SIMC1: variants seen among roughly 807,000 people sequenced by gnomAD.
The protein encoded by SIMC1 is SUMO interacting motifs containing 1, also known as SUMO-interacting motif-containing protein 1.
Under a neutral mutation model 82.3 loss-of-function variants are expected in SIMC1, and 55 were observed. The ratio of observed to expected loss-of-function variants is 0.67; its 90% CI spans 0.54 to 0.84. SIMC1 has a LOEUF of 0.84. Ranked by LOEUF, SIMC1 falls within the 40% of genes least tolerant of loss-of-function variation. SIMC1 has a pLI of 0.00. For synonymous variants in SIMC1, 353 were observed against 426.3 expected, an observed-to-expected ratio of 0.83 and a Z score of 2.12; for missense variants, 915 against 1,107.2, an observed-to-expected ratio of 0.83 and a Z score of 2.46.
chr5:176,262,741 G>A (rs1213595198), intron 1 of SIMC1, among the ~76,000 whole-genome samples: 5 of 152,306 alleles, frequency 3.3e-5, no homozygotes, highest in South Asian at 2.1e-4. Context: ...GGAAGCAGAG[G>A]TTGCAATGAG....
intron 4 of SIMC1, among the ~76,000 whole-genome samples, chr5:176,309,444 A>G (rs1431354069): frequency 1.3e-5 from 2 of 152,230 alleles, no homozygotes; most frequent in East Asian, 3.8e-4. Context: ...CAGGAGAAAA[A>G]TCTTCAGGAT....
At chr5:176,278,142 T>C (rs1349853774) in intron 1 of SIMC1, among the ~76,000 whole-genome samples, 1 of 60,308 alleles carries the variant, frequency 1.7e-5, no homozygotes, top group Non-Finnish European at 3.6e-5. Flanking sequence ...TGGTTTGTAG[T>C]TCTCCTTGAA....
At chr5:176,345,128 AAAAAG>A in intron 9 of SIMC1, 50 bp from the exon 10 acceptor site, 1 of 1,556,124 alleles carries the variant, frequency 6.4e-7, no homozygotes, top group Non-Finnish European at 8.7e-7. Flanking sequence ...TAGACTTCTT[AAAAAG>A]AATTAAAAAG....
intron 4 of SIMC1, among the ~76,000 whole-genome samples, chr5:176,296,873 G>T (rs1763837565): frequency 6.6e-6 from 1 of 152,064 alleles, no homozygotes; most frequent in African/African-American, 2.4e-5. Flanking sequence ...TAAATTCATG[G>T]CTATGAAAAA....
intron 4 of SIMC1, chr5:176,308,775 A>G: frequency 7.7e-7 from 1 of 1,306,964 alleles, no homozygotes; most frequent in Non-Finnish European, 1.1e-6. Flanking sequence ...GCTGCCCAAG[A>G]TCCTGTGCCA....
chr5:176,310,422 T>C (rs67358703), intron 4 of SIMC1, among the ~76,000 whole-genome samples: 21,025 of 152,208 alleles, frequency 0.14, 1,495 homozygotes, highest in Middle Eastern at 0.21. Context: ...CTACAACAGG[T>C]ACGTGGTTAA....
chr5:176,338,227 TA>T (rs1356472578), intron 9 of SIMC1, among the ~76,000 whole-genome samples: 1 of 152,162 alleles, frequency 6.6e-6, no homozygotes, highest in Non-Finnish European at 1.5e-5. Flanking sequence ...GCCAGTGTTT[TA>T]AAAACAAAGA....
At chr5:176,283,511 G>C (rs1020584550) in intron 1 of SIMC1, among the ~76,000 whole-genome samples, 1 of 152,178 alleles carries the variant, frequency 6.6e-6, no homozygotes, top group Non-Finnish European at 1.5e-5. Flanking sequence ...CCCTACAAGA[G>C]CTCCTGAAGG....
intron 5 of SIMC1, 32 bp from the exon 6 acceptor site, chr5:176,322,241 A>G (rs1475380661): frequency 6.5e-7 from 1 of 1,534,204 alleles, no homozygotes; most frequent in Non-Finnish European, 8.8e-7. Flanking sequence ...AAAAAGAAAG[A>G]ATAAACCTTT....
At chr5:176,291,330 A>ATTTTT (rs70991527) in intron 2 of SIMC1, among the ~76,000 whole-genome samples, 1 of 71,610 alleles carries the variant, frequency 1.4e-5, no homozygotes, top group Non-Finnish European at 2.6e-5. Context: ...TGCCCGGCTA[A>ATTTTT]TTTTTTTTTT....
chr5:176,308,796 G>A lies in SIMC1; in HGVS notation c.1735-4895G>A. On this transcript the variant is annotated intron_variant, in intron 4 of 9. Coordinates refer to ENST00000429602, the MANE Select transcript of SIMC1 (RefSeq NM_001308195.2). ...CAAGATCCTGTGCCAGGAGGAGCAG[G>A]ATGCATATTGGAGGATCCACAGCCT... 10 of 1,258,096 alleles carry A rather than the reference G, an allele frequency of 7.9e-6. No individual in the cohort carries two copies. In the South Asian group the frequency reaches 1.1e-4, roughly 14 times the overall value. 77.9% of individuals were successfully genotyped at this position (1,258,096 alleles called of 1,614,324 possible). A position where few individuals can be genotyped will look rare whatever the true frequency, so the allele number is the denominator to read the frequency against.
chr5:176,340,065 C>G (rs3926974), intron 9 of SIMC1, among the ~76,000 whole-genome samples: 80,777 of 151,992 alleles, frequency 0.53, 21,652 homozygotes, highest in Non-Finnish European at 0.58. Flanking sequence ...AGAGCCCAAG[C>G]TTTCCTTTTG....
intron 7 of SIMC1, among the ~76,000 whole-genome samples, chr5:176,335,023 G>T (rs72825333): frequency 0.37 from 56,387 of 151,390 alleles, 12,750 homozygotes; most frequent in East Asian, 0.51. Context: ...CCCGGGGGGT[G>T]GGGGTGGAGG....
chr5:176,292,331 TC>T (rs1258988993), intron 2 of SIMC1, among the ~76,000 whole-genome samples: 4 of 152,134 alleles, frequency 2.6e-5, no homozygotes, highest in Non-Finnish European at 5.9e-5. Flanking sequence ...GTTATGTACA[TC>T]CCATCCCCCA....
At chr5:176,246,407 G>GGTGT (rs57262987) in intron 1 of SIMC1, among the ~76,000 whole-genome samples, 5,337 of 136,896 alleles carry the variant, frequency 0.039, 112 homozygotes, top group African/African-American at 0.066. Context: ...ATAGTTCAGG[G>GGTGT]GTGTGTGTGT....
At chr5:176,269,853 C>A (rs112716387) in intron 1 of SIMC1, among the ~76,000 whole-genome samples, 2 of 152,266 alleles carry the variant, frequency 1.3e-5, no homozygotes, top group South Asian at 4.1e-4. Flanking sequence ...TTAAGCCGTC[C>A]TCCCTTCTGA....
chr5:176,277,767 G>A (rs36103981), intron 1 of SIMC1, among the ~76,000 whole-genome samples: 68,598 of 151,254 alleles, frequency 0.45, 17,444 homozygotes, highest in Non-Finnish European at 0.57. Flanking sequence ...GTAGATATGC[G>A]GTGTTATTTC....
In SIMC1 at chr5:176,336,929, G is replaced by T. The variant is rs1765925551; in HGVS notation, c.2328+53G>T. On this transcript the variant is annotated intron_variant, in intron 8 of 9. Coordinates refer to ENST00000429602, the MANE Select transcript of SIMC1 (RefSeq NM_001308195.2). Reference sequence around the variant, plus strand: ...CCTAGAGCACCTCTCTTTGCTCTAGGCCCGAACCCTTCCCATAGGATTTTA... The same window carrying T: ...CCTAGAGCACCTCTCTTTGCTCTAGTCCCGAACCCTTCCCATAGGATTTTA... 3.7e-6 allele frequency: 6 copies of T among 1,606,036 alleles called. No homozygotes were observed. In the Admixed American group the frequency reaches 1.0e-4, roughly 27 times the overall value.
At chr5:176,285,568 A>C (rs1763232012) in intron 1 of SIMC1, among the ~76,000 whole-genome samples, 1 of 152,100 alleles carries the variant, frequency 6.6e-6, no homozygotes, top group African/African-American at 2.4e-5. Context: ...TTCCCTTTGA[A>C]AACTGGCACA....
Sources: gnomAD v4.1 joint callset for allele counts (sites outside exome capture counted in the v4.1 genomes callset) on GRCh38, gnomAD v4.1.1 for gene constraint, MANE v1.5 for transcripts, NCBI Gene and HGNC (gene_info 2026-07-23, HGNC 2026-07-21) for gene names.